Variants in ZBTB20 observed in about 807,000 individuals in gnomAD.
The protein encoded by ZBTB20 is zinc finger and BTB domain-containing protein 20.
ZBTB20 carries 9 observed loss-of-function variants against 56.9 expected under a neutral mutation model. That is an observed-to-expected ratio of 0.16 (90% confidence interval 0.10 to 0.28). The LOEUF is 0.28. Ranked by LOEUF, ZBTB20 falls within the 10% of genes least tolerant of loss-of-function variation. ZBTB20 has a pLI of 1.00. For missense variants in ZBTB20, 655 were observed against 1,003.0 expected (o/e 0.65, Z 4.69); for synonymous variants, 417 against 420.7 (o/e 0.99, Z 0.11).
intron 3 of ZBTB20, among the ~76,000 whole-genome samples, chr3:114,936,268 GC>G: frequency 6.6e-6 from 1 of 152,174 alleles, no homozygotes; most frequent in African/African-American, 2.4e-5. Flanking sequence ...ATGCACACAT[GC>G]ATGCACGCAC....
intron 2 of ZBTB20, among the ~76,000 whole-genome samples, chr3:114,996,092 C>T (rs983647890): frequency 2.0e-5 from 3 of 151,826 alleles, no homozygotes; most frequent in African/African-American, 7.3e-5. Context: ...AATTATCCCA[C>T]CTTACTCTGA....
intron 8 of ZBTB20, among the ~76,000 whole-genome samples, chr3:114,382,400 G>T (rs887704894): frequency 3.9e-5 from 6 of 152,116 alleles, no homozygotes; most frequent in African/African-American, 1.4e-4. Flanking sequence ...CATGTGTCCT[G>T]TATATTGGCC....
At position 114,388,936 on chromosome 3, in the gene ZBTB20, CTG is replaced by C. The variant is rs146450365; in HGVS notation, c.-154+67_-154+68del. On this transcript the variant is annotated intron_variant, in intron 8 of 11. Transcript: ENST00000675478. ...AAATTTTGCCTGCTTTCACAATTTT[CTG>C]TGTGTGTGTGTGTGTATTAAACAAA... 1,497 of 151,466 alleles carry C rather than the reference CTG, an allele frequency of 9.9e-3. 30 individuals are homozygous for C. Among genetic ancestry groups the C allele is most frequent in the African/African-American group, 0.033 (1,372 of 41,312 alleles). The allele number at this position is 151,466 out of a possible 1,614,324, so 9.4% of individuals were successfully genotyped here.
chr3:114,730,451 A>C (rs2065651501), intron 5 of ZBTB20, among the ~76,000 whole-genome samples: 1 of 152,176 alleles, frequency 6.6e-6, no homozygotes, highest in Non-Finnish European at 1.5e-5. Flanking sequence ...CCCCTAAAAT[A>C]CATAGGGTGA....
At chr3:114,534,202 T>C (rs1444193261) in intron 6 of ZBTB20, among the ~76,000 whole-genome samples, 2 of 151,734 alleles carry the variant, frequency 1.3e-5, no homozygotes, top group African/African-American at 2.4e-5. Context: ...GAAAATTGGA[T>C]AGAGTCAAGA....
At chr3:114,633,909 A>G (rs528939764) in intron 6 of ZBTB20, among the ~76,000 whole-genome samples, 1 of 152,334 alleles carries the variant, frequency 6.6e-6, no homozygotes, top group Non-Finnish European at 1.5e-5. Flanking sequence ...CATGTCAAAC[A>G]TAAGGAACTA....
intron 6 of ZBTB20, among the ~76,000 whole-genome samples, chr3:114,617,035 G>A (rs2057987607): frequency 6.6e-6 from 1 of 152,028 alleles, no homozygotes; most frequent in South Asian, 2.1e-4. Flanking sequence ...AATTTCAGTT[G>A]CCTCCTAACT....
chr3:114,987,838 C>A (rs1448031658), intron 2 of ZBTB20, among the ~76,000 whole-genome samples: 1 of 152,056 alleles, frequency 6.6e-6, no homozygotes, highest in East Asian at 1.9e-4. Context: ...TGTTTAGCTA[C>A]ATGTAGAAGT....
intron 5 of ZBTB20, among the ~76,000 whole-genome samples, chr3:114,787,301 A>G (rs1377633551): frequency 6.9e-6 from 1 of 145,792 alleles, no homozygotes; most frequent in Admixed American, 6.9e-5. Context: ...TAATGCATCA[A>G]GCTGAGTGAA....
At chr3:114,357,682 C>G (rs1279831527) in intron 10 of ZBTB20, among the ~76,000 whole-genome samples, 3 of 152,132 alleles carry the variant, frequency 2.0e-5, no homozygotes, top group Non-Finnish European at 4.4e-5. Flanking sequence ...AAATTAAGAG[C>G]TGTGGATTGA....
intron 6 of ZBTB20, among the ~76,000 whole-genome samples, chr3:114,562,720 A>G (rs370954465): frequency 6.6e-6 from 1 of 152,176 alleles, no homozygotes; most frequent in South Asian, 2.1e-4. Flanking sequence ...TTGAACACTT[A>G]GAGGTCATTG....
At chr3:114,680,333 C>T (rs2061894256) in intron 6 of ZBTB20, among the ~76,000 whole-genome samples, 1 of 152,048 alleles carries the variant, frequency 6.6e-6, no homozygotes, top group South Asian at 2.1e-4. Context: ...AAAGAATTAA[C>T]CACAGTGCCT....
intron 7 of ZBTB20, among the ~76,000 whole-genome samples, chr3:114,428,478 A>G (rs1020849789): frequency 2.0e-5 from 3 of 152,318 alleles, no homozygotes; most frequent in Non-Finnish European, 2.9e-5. Context: ...GAAGTGGGGA[A>G]CTGGGTAGAT....
chr3:114,964,298 C>G (rs890027171), intron 3 of ZBTB20, among the ~76,000 whole-genome samples: 18 of 152,108 alleles, frequency 1.2e-4, no homozygotes, highest in African/African-American at 4.3e-4. Flanking sequence ...GCCTGTAATT[C>G]CAGCTACTTG....
At chr3:114,652,239 C>T (rs1049729749) in intron 6 of ZBTB20, among the ~76,000 whole-genome samples, 3 of 151,980 alleles carry the variant, frequency 2.0e-5, no homozygotes, top group African/African-American at 7.2e-5. Flanking sequence ...ATTTTTATCA[C>T]GATAGAATAG....
At chr3:114,352,780 T>C (rs2080811795) in intron 10 of ZBTB20, among the ~76,000 whole-genome samples, 1 of 152,230 alleles carries the variant, frequency 6.6e-6, no homozygotes. Context: ...AACAGGGCAC[T>C]TTCAAGAGTG....
At chr3:115,084,909 T>C (rs1576741719) in intron 1 of ZBTB20, among the ~76,000 whole-genome samples, 1 of 152,000 alleles carries the variant, frequency 6.6e-6, no homozygotes. Context: ...CTAAGAATCA[T>C]GGTCTTTATT....
chr3:114,760,264 G>A (rs2068340434), intron 5 of ZBTB20, among the ~76,000 whole-genome samples: 1 of 152,062 alleles, frequency 6.6e-6, no homozygotes, highest in Non-Finnish European at 1.5e-5. Context: ...AATAATATTG[G>A]AGATAAGTAA....
intron 2 of ZBTB20, chr3:115,027,554 T>C (rs1302355378): frequency 1.3e-5 from 2 of 150,980 alleles, no homozygotes; most frequent in Non-Finnish European, 3.0e-5. Flanking sequence ...TCCTATGGTG[T>C]GTCATGCAGT....
Sources: allele counts gnomAD v4.1 joint callset (sites outside exome capture counted in the v4.1 genomes callset), GRCh38; gene constraint gnomAD v4.1.1; transcripts MANE v1.5; gene names NCBI Gene and HGNC (gene_info 2026-07-23, HGNC 2026-07-21).